The following PRKG1 variants were observed in gnomAD, a reference collection of about 807,000 sequenced individuals.
PRKG1 encodes protein kinase cGMP-dependent 1, also known as cGMP-dependent protein kinase 1.
A neutral mutation model predicts 88.1 loss-of-function variants in PRKG1; 35 were observed. That is an observed-to-expected ratio of 0.40 (90% confidence interval 0.30 to 0.53). The LOEUF (loss-of-function observed/expected upper bound fraction) is 0.53, where lower values mean the gene tolerates loss of function less well. Ranked by LOEUF, PRKG1 falls within the 20% of genes least tolerant of loss-of-function variation. The probability of loss-of-function intolerance (pLI) is 0.59; values close to 1 mark genes in which losing one functional copy is unlikely to be tolerated. For missense variants in PRKG1, 540 were observed against 839.8 expected, an observed-to-expected ratio of 0.64 and a Z score of 4.41; for synonymous variants, 303 against 292.5, an observed-to-expected ratio of 1.04 and a Z score of -0.37.
intron 2 of PRKG1, among the ~76,000 whole-genome samples, chr10:51,414,154 C>T (rs1838175724): frequency 6.6e-6 from 1 of 152,142 alleles, no homozygotes; most frequent in Non-Finnish European, 1.5e-5. Flanking sequence ...GAAGCCTGGC[C>T]CCTACAGCAA....
chr10:52,034,157 G>T (rs973992978), intron 5 of PRKG1, among the ~76,000 whole-genome samples: 2 of 152,096 alleles, frequency 1.3e-5, no homozygotes, highest in African/African-American at 4.8e-5. Flanking sequence ...GGGCGTACAT[G>T]TGCAAATCAC....
chr10:52,251,878 A>G (rs1243332521), intron 10 of PRKG1: 1 of 456,356 alleles, frequency 2.2e-6, no homozygotes, highest in East Asian at 3.4e-5. Flanking sequence ...ATAAAATAAC[A>G]CCTTGCTTTT....
chr10:51,531,740 G>A (rs1184078259), intron 3 of PRKG1, among the ~76,000 whole-genome samples: 3 of 144,414 alleles, frequency 2.1e-5, no homozygotes, highest in African/African-American at 7.7e-5. Flanking sequence ...CACCTCCTGG[G>A]TTCGAGTGAT....
chr10:51,750,029 A>C (rs1589256171), intron 3 of PRKG1, among the ~76,000 whole-genome samples: 1 of 146,048 alleles, frequency 6.8e-6, no homozygotes, highest in African/African-American at 2.6e-5. Flanking sequence ...TCTGCCTCCC[A>C]GGTTTAAGCG....
At chr10:51,333,437 T>C (rs948670699) in intron 2 of PRKG1, among the ~76,000 whole-genome samples, 10 of 152,172 alleles carry the variant, frequency 6.6e-5, no homozygotes, top group African/African-American at 2.4e-4. Flanking sequence ...TACATGGTGG[T>C]TAAGTGAGTT....
intron 2 of PRKG1, among the ~76,000 whole-genome samples, chr10:51,424,976 A>G (rs913156148): frequency 6.6e-6 from 1 of 152,108 alleles, no homozygotes; most frequent in Non-Finnish European, 1.5e-5. Flanking sequence ...TACACTTTAA[A>G]TCTTCTGAAC....
intron 7 of PRKG1, among the ~76,000 whole-genome samples, chr10:52,094,107 T>C (rs138790795): frequency 1.4e-3 from 211 of 152,314 alleles, no homozygotes; most frequent in African/African-American, 4.7e-3. Context: ...CTTAGGGGTC[T>C]ATTTCTTTAA....
At chr10:52,068,002 A>C in intron 7 of PRKG1, among the ~76,000 whole-genome samples, 1 of 108,094 alleles carries the variant, frequency 9.3e-6, no homozygotes, top group East Asian at 2.4e-4. Flanking sequence ...CAGGAGATCG[A>C]GACCATCCTG....
intron 5 of PRKG1, among the ~76,000 whole-genome samples, chr10:52,034,338 A>C: frequency 8.3e-6 from 1 of 119,932 alleles, no homozygotes; most frequent in East Asian, 3.3e-4. Flanking sequence ...AAGCGGGATT[A>C]GGGGTGACGT....
chr10:51,661,650 C>A (rs1460361858), intron 3 of PRKG1, among the ~76,000 whole-genome samples: 1 of 152,186 alleles, frequency 6.6e-6, no homozygotes, highest in Non-Finnish European at 1.5e-5. Flanking sequence ...ACTAGTTCAA[C>A]CATTGTGGAA....
chr10:51,922,414 TA>T (rs1842482346), intron 5 of PRKG1, among the ~76,000 whole-genome samples: 1 of 151,830 alleles, frequency 6.6e-6, no homozygotes, highest in Non-Finnish European at 1.5e-5. Flanking sequence ...ACTTGATTTT[TA>T]TAAATTCTTT....
chr10:51,956,553 G>A (rs1843307259), intron 5 of PRKG1, among the ~76,000 whole-genome samples: 1 of 151,974 alleles, frequency 6.6e-6, no homozygotes, highest in Non-Finnish European at 1.5e-5. Flanking sequence ...AATTTGAAGA[G>A]AATGAACTGA....
intron 1 of PRKG1, among the ~76,000 whole-genome samples, chr10:51,056,949 T>A (rs1054675221): frequency 6.6e-6 from 1 of 152,228 alleles, no homozygotes; most frequent in Non-Finnish European, 1.5e-5. Flanking sequence ...AAATGGAGAC[T>A]TTTCCTGTTA....
intron 2 of PRKG1, among the ~76,000 whole-genome samples, chr10:51,196,816 C>CT (rs1373315346): frequency 6.6e-6 from 1 of 152,170 alleles, no homozygotes; most frequent in Non-Finnish European, 1.5e-5. Context: ...TGGCCACTTT[C>CT]TGCAGATGAA....
intron 9 of PRKG1, among the ~76,000 whole-genome samples, chr10:52,164,188 T>C (rs558887967): frequency 4.6e-5 from 7 of 151,988 alleles, no homozygotes; most frequent in East Asian, 1.9e-4. Context: ...CTGTTGCTAC[T>C]AAAAATACAA....
chr10:52,152,959 T>G (rs1276103255), intron 8 of PRKG1, among the ~76,000 whole-genome samples: 1 of 152,150 alleles, frequency 6.6e-6, no homozygotes. Flanking sequence ...ATTAAATAGC[T>G]CAGTTTATAG....
intron 14 of PRKG1, among the ~76,000 whole-genome samples, chr10:52,282,915 C>G (rs1010091410): frequency 1.3e-5 from 2 of 151,908 alleles, no homozygotes; most frequent in Non-Finnish European, 2.9e-5. Context: ...GGGATGGGTT[C>G]GTAAAGAGGC....
At chr10:51,598,961 G>A (rs1367874195) in intron 3 of PRKG1, among the ~76,000 whole-genome samples, 2 of 152,174 alleles carry the variant, frequency 1.3e-5, no homozygotes, top group African/African-American at 4.8e-5. Context: ...ACAGGAAGAG[G>A]AAGAGGGTTT....
chr10:51,424,875 G>A (rs1588945445), intron 2 of PRKG1, among the ~76,000 whole-genome samples: 1 of 151,962 alleles, frequency 6.6e-6, no homozygotes, highest in Admixed American at 6.6e-5. Context: ...CTGCTATTTT[G>A]TTCTCTAACA....
Sources: allele counts gnomAD v4.1 joint callset (sites outside exome capture counted in the v4.1 genomes callset), GRCh38; gene constraint gnomAD v4.1.1; transcripts MANE v1.5; gene names NCBI Gene and HGNC (gene_info 2026-07-23, HGNC 2026-07-21).